Variants in NRG1 observed in about 807,000 individuals in gnomAD.
NRG1 encodes pro-neuregulin-1, membrane-bound isoform.
In NRG1, 18 loss-of-function variants were observed where a neutral mutation model predicts 63.8. That is an observed-to-expected ratio of 0.28 (90% CI 0.19 to 0.42). The LOEUF (loss-of-function observed/expected upper bound fraction) is 0.42. Among genes scored for constraint, NRG1 ranks in the 10% least tolerant of loss-of-function variants. The probability of loss-of-function intolerance (pLI) is 1.00; values close to 1 mark genes in which losing one functional copy is unlikely to be tolerated. For synonymous variants in NRG1, 302 were observed against 301.3 expected (o/e 1.00, Z -0.02); for missense variants, 762 against 814.7 (o/e 0.94, Z 0.79).
intron 1 of NRG1, among the ~76,000 whole-genome samples, chr8:31,709,224 A>T (rs890793980): frequency 9.2e-5 from 14 of 151,636 alleles, no homozygotes; most frequent in African/African-American, 3.4e-4. Context: ...TTTGGTCAAA[A>T]ACCTTTTTCA....
intron 1 of NRG1, among the ~76,000 whole-genome samples, chr8:31,947,352 T>G (rs1216855371): frequency 6.6e-6 from 1 of 151,394 alleles, no homozygotes; most frequent in Non-Finnish European, 1.5e-5. Flanking sequence ...TAATTTAATA[T>G]GTAACCTTCT....
rs80297864 is a variant in NRG1 at position 32,186,099 on chromosome 8, A to G, written c.38-409729A>G. On this transcript the variant is annotated intron_variant, in intron 1 of 10. Coordinates refer to the NRG1 transcript ENST00000519301. ...AAGCTGTGACAGAAAACCTCTGGCT[A>G]TTAAACTCATATCTAATGCTATTTG... 4.9e-3 allele frequency among the ~76,000 whole-genome samples: 747 copies of G among 152,346 alleles called. 14 individuals are homozygous for G. Among genetic ancestry groups the G allele is most frequent in the African/African-American group, 0.017 (717 of 41,586 alleles).
intron 1 of NRG1, among the ~76,000 whole-genome samples, chr8:32,255,037 A>G (rs891020605): frequency 3.9e-5 from 6 of 152,018 alleles, no homozygotes; most frequent in African/African-American, 1.4e-4. Context: ...CTTGCTTTCC[A>G]TATCTTGGTA....
chr8:32,470,496 G>C (rs541440091), intron 1 of NRG1, among the ~76,000 whole-genome samples: 1 of 151,928 alleles, frequency 6.6e-6, no homozygotes, highest in African/African-American at 2.4e-5. Flanking sequence ...GAGCCACCGC[G>C]CCCGACCATG....
chr8:31,900,866 T>G (rs1314379853), intron 1 of NRG1, among the ~76,000 whole-genome samples: 1 of 152,198 alleles, frequency 6.6e-6, no homozygotes, highest in Non-Finnish European at 1.5e-5. Context: ...TAAACAGATT[T>G]AAGATAAGAG....
chr8:32,119,843 A>G (rs973633606), intron 1 of NRG1, among the ~76,000 whole-genome samples: 1 of 152,134 alleles, frequency 6.6e-6, no homozygotes, highest in East Asian at 1.9e-4. Flanking sequence ...GACCACAAAA[A>G]TAAACTTCTG....
At chr8:32,245,973 C>T (rs750979684) in intron 1 of NRG1, among the ~76,000 whole-genome samples, 1 of 152,050 alleles carries the variant, frequency 6.6e-6, no homozygotes, top group East Asian at 1.9e-4. Context: ...AATTTGGGCA[C>T]CTCATTAGCC....
intron 11 of NRG1, chr8:32,760,774 A>C: frequency 9.8e-7 from 1 of 1,015,540 alleles, no homozygotes; most frequent in Non-Finnish European, 1.2e-6. Context: ...CCCTTCTATA[A>C]TTCCAATTGC....
chr8:31,963,387 A>G (rs1283857813), intron 1 of NRG1, among the ~76,000 whole-genome samples: 2 of 152,192 alleles, frequency 1.3e-5, no homozygotes, highest in Non-Finnish European at 2.9e-5. Context: ...TTTTGGATAC[A>G]TCAGTGTCCA....
chr8:32,639,579 T>C (rs1482802047), intron 5 of NRG1, among the ~76,000 whole-genome samples: 1 of 152,362 alleles, frequency 6.6e-6, no homozygotes, highest in East Asian at 1.9e-4. Flanking sequence ...TACTCTCTTA[T>C]GAGTAATTCA....
chr8:31,905,409 C>G (rs1832442736), intron 1 of NRG1, among the ~76,000 whole-genome samples: 1 of 152,188 alleles, frequency 6.6e-6, no homozygotes, highest in African/African-American at 2.4e-5. Context: ...AAAACTCCCT[C>G]TTCTAAGAAA....
At position 31,749,756 on chromosome 8, in the gene NRG1, TC is replaced by T. The variant is rs879669721; in HGVS notation, c.37+110326del. Among the ~76,000 whole-genome samples, 333 of 150,270 alleles carry T rather than the reference TC, an allele frequency of 2.2e-3. 2 individuals are homozygous for T. The highest frequency in any genetic ancestry group is 3.4e-3 in the Middle Eastern group (1 of 292). On this transcript the variant is annotated intron_variant, in intron 1 of 10. Coordinates refer to the NRG1 transcript ENST00000519301. ...TATATGATATATATATATATATATATCTTCATAGATGGTGGAATTATAAATG... is the reference window on the plus strand; with the variant it reads ...TATATGATATATATATATATATATATTTCATAGATGGTGGAATTATAAATG...
In NRG1 at chr8:32,055,730, C is replaced by T. The variant is rs1434866004; in HGVS notation, c.37+416299C>T. ...CTTACTCACCACTTTAAAATAACGT[C>T]TTTCTTATATCTTTTAACTCAGAGG... is the stretch of plus-strand genomic sequence containing the variant. On this transcript the variant is annotated intron_variant, in intron 1 of 10. Transcript: ENST00000519301. 1.3e-4 allele frequency among the ~76,000 whole-genome samples: 18 copies of T among 143,012 alleles called. No individual in the cohort carries two copies. The Admixed American group carries it at 1.3e-3, about 10-fold the overall frequency. The allele number at this position is 143,012 out of a possible 152,430, so 93.8% of individuals were successfully genotyped here.
At chr8:32,603,975 A>G (rs1844808711) in intron 2 of NRG1, among the ~76,000 whole-genome samples, 1 of 152,214 alleles carries the variant, frequency 6.6e-6, no homozygotes, top group African/African-American at 2.4e-5. Flanking sequence ...ATAATGTCTG[A>G]AGAGAAAGCA....
At position 32,117,857 on chromosome 8, in the gene NRG1, G is replaced by A. The variant is rs78140278; in HGVS notation, c.38-477971G>A. 9.4e-3 allele frequency among the ~76,000 whole-genome samples: 1,433 copies of A among 151,808 alleles called. 21 individuals are homozygous for A. Among genetic ancestry groups the A allele is most frequent in the African/African-American group, 0.031 (1,270 of 41,402 alleles). ...ATTACTATCTCACCAATATGCTTCC[G>A]GAAAAAAAGTGCCATGGTCTAATAA... On this transcript the variant is annotated intron_variant, in intron 1 of 10. Coordinates refer to the NRG1 transcript ENST00000519301.
At chr8:32,284,485 G>T (rs1042433077) in intron 1 of NRG1, among the ~76,000 whole-genome samples, 1 of 116,046 alleles carries the variant, frequency 8.6e-6, no homozygotes. Context: ...CTCCCTGCCT[G>T]CCTGCCTTCC....
chr8:32,236,133 G>GTGTGTGTGTGTGTGAA (rs1563937606), intron 1 of NRG1, among the ~76,000 whole-genome samples: 4 of 151,708 alleles, frequency 2.6e-5, no homozygotes, highest in South Asian at 4.2e-4. Context: ...GTGTGTATGT[G>GTGTGTGTGTGTGTGAA]TGTGTGTGTG....
intron 1 of NRG1, among the ~76,000 whole-genome samples, chr8:31,855,764 T>C (rs1300780905): frequency 2.6e-5 from 4 of 152,158 alleles, no homozygotes; most frequent in African/African-American, 4.8e-5. Flanking sequence ...TTGTTCCTTT[T>C]CATGTTTAGC....
At chr8:32,600,604 C>G (rs1844170904) in intron 2 of NRG1, among the ~76,000 whole-genome samples, 1 of 151,930 alleles carries the variant, frequency 6.6e-6, no homozygotes, top group Non-Finnish European at 1.5e-5. Context: ...AACTTTTTAT[C>G]TTCAAATCAC....
Sources: allele counts gnomAD v4.1 joint callset (sites outside exome capture counted in the v4.1 genomes callset), GRCh38; gene constraint gnomAD v4.1.1; transcripts MANE v1.5; gene names NCBI Gene and HGNC (gene_info 2026-07-23, HGNC 2026-07-21).